MACC1: variants seen among roughly 807,000 people sequenced by gnomAD.
The protein encoded by MACC1 is metastasis-associated in colon cancer protein 1.
Under a neutral mutation model 70.7 loss-of-function variants are expected in MACC1, and 79 were observed. That is an observed-to-expected ratio of 1.12 (90% CI 0.93 to 1.35). MACC1 has a LOEUF of 1.35. Ranked by LOEUF, MACC1 falls within the 40% of genes most tolerant of loss-of-function variation. MACC1 has a pLI of 0.00. For missense variants in MACC1, 1,106 were observed against 978.1 expected (o/e 1.13, Z -1.74); for synonymous variants, 361 against 347.2 (o/e 1.04, Z -0.44).
At chr7:20,208,295 G>T (rs565783044) in intron 1 of MACC1, among the ~76,000 whole-genome samples, 4 of 152,362 alleles carry the variant, frequency 2.6e-5, no homozygotes, top group South Asian at 2.1e-4. Flanking sequence ...ACAGGCAGAG[G>T]TTGGAACAGT....
chr7:20,161,516 T>C (rs1442058895), intron 4 of MACC1, among the ~76,000 whole-genome samples: 1 of 152,048 alleles, frequency 6.6e-6, no homozygotes, highest in Non-Finnish European at 1.5e-5. Context: ...ATTATAGTTA[T>C]TGCATATAAC....
At chr7:20,153,663 G>A (rs987014115) in intron 6 of MACC1, 12 of 152,456 alleles carry the variant, frequency 7.9e-5, no homozygotes, top group African/African-American at 2.4e-4. Flanking sequence ...ACTGATGCCT[G>A]TAGTTACTGT....
At chr7:20,183,388 T>C (rs1782539654) in intron 1 of MACC1, among the ~76,000 whole-genome samples, 1 of 152,214 alleles carries the variant, frequency 6.6e-6, no homozygotes, top group African/African-American at 2.4e-5. Context: ...AAGCAGATTT[T>C]TCCCCAGAGC....
intron 2 of MACC1, among the ~76,000 whole-genome samples, chr7:20,170,046 A>T (rs1005837706): frequency 5.9e-5 from 9 of 152,212 alleles, no homozygotes; most frequent in African/African-American, 2.2e-4. Flanking sequence ...TTCACCCTTC[A>T]TAGAAAATTT....
rs143836746 is a variant in MACC1, at chr7:20,157,588, A to C, written c.2157+616T>G. Among the ~76,000 whole-genome samples, 111 of 151,210 alleles carry C rather than the reference A, an allele frequency of 7.3e-4. No individual in the cohort carries two copies. The East Asian group carries it at 0.019, about 26-fold the overall frequency. On this transcript the variant is annotated intron_variant, in intron 5 of 6. Coordinates refer to ENST00000400331, the MANE Select transcript of MACC1 (RefSeq NM_182762.4). The stretch of plus-strand genomic sequence containing the variant: ...TGCTTGAGGCCAGGAGTTCAAGAGC[A>C]TCTTGGGAAACATAGTGAGACACTC...
rs1183146514 is a variant in MACC1, at chr7:20,136,249, C to T, written c.*4697G>A. On this transcript the variant is annotated 3_prime_UTR_variant, in exon 7 of 7. Transcript: ENST00000400331. ...GAAACCGCAGCTCTCAACTCTTTGA[C>T]TAGTGTCTTGTAGAGGAAGCCTTTC... 1 of 152,184 alleles carries T rather than the reference C, an allele frequency of 6.6e-6. No individual in the cohort carries two copies. Among genetic ancestry groups the T allele is most frequent in the East Asian group, 1.9e-4 (1 of 5,200 alleles). The allele number at this position is 152,184 out of a possible 1,614,324, so 9.4% of individuals were successfully genotyped here. A position where few individuals can be genotyped will look rare whatever the true frequency, so the allele number is the denominator to read the frequency against.
rs10555255 is a variant in MACC1 at position 20,140,802 on chromosome 7, TACACACAC to T, written c.*136_*143del. The stretch of plus-strand genomic sequence containing the variant: ...TGCTTTTCTGAGATTCTTTCTTTCC[TACACACAC>T]ACACACACACACACAGACACACACA... On this transcript the variant is annotated 3_prime_UTR_variant, in exon 7 of 7. Transcript: ENST00000400331. 2.3e-4 allele frequency: 106 copies of T among 456,804 alleles called. No homozygotes were observed. The highest frequency in any genetic ancestry group is 3.6e-4 in the Non-Finnish European group (97 of 269,170). 28.3% of individuals were successfully genotyped at this position (456,804 alleles called of 1,614,324 possible). A position where few individuals can be genotyped will look rare whatever the true frequency, so the allele number is the denominator to read the frequency against.
rs554430039 is a variant in MACC1 at position 20,174,362 on chromosome 7, G to C, written c.-217-3584C>G. ...TAAAACTTCTAGGATCAAATACAAT[G>C]AATCTACTGTTTGAATTCAGGTATG... On this transcript the variant is annotated intron_variant, in intron 1 of 6. Coordinates refer to ENST00000400331, the MANE Select transcript of MACC1 (RefSeq NM_182762.4). 4.6e-5 allele frequency among the ~76,000 whole-genome samples: 7 copies of C among 152,164 alleles called. No individual in the cohort carries two copies. The East Asian group carries it at 1.2e-3, about 25-fold the overall frequency.
At chr7:20,203,938 C>T (rs1326279460) in intron 1 of MACC1, among the ~76,000 whole-genome samples, 5 of 152,008 alleles carry the variant, frequency 3.3e-5, no homozygotes, top group Non-Finnish European at 5.9e-5. Flanking sequence ...AATGTGGGCT[C>T]ATCACTAAAA....
At chr7:20,211,041 T>C (rs1466720857) in intron 1 of MACC1, among the ~76,000 whole-genome samples, 1 of 151,984 alleles carries the variant, frequency 6.6e-6, no homozygotes, top group Non-Finnish European at 1.5e-5. Context: ...TGTATGCTCT[T>C]TTGATATTAT....
intron 1 of MACC1, among the ~76,000 whole-genome samples, chr7:20,201,659 A>T (rs916017845): frequency 2.0e-5 from 3 of 152,206 alleles, no homozygotes; most frequent in African/African-American, 7.2e-5. Flanking sequence ...GTTGAAGCAG[A>T]ACTAGAGACA....
At chr7:20,192,344 G>C (rs570912090) in intron 1 of MACC1, among the ~76,000 whole-genome samples, 1 of 152,118 alleles carries the variant, frequency 6.6e-6, no homozygotes, top group Non-Finnish European at 1.5e-5. Flanking sequence ...CTTGAATCTA[G>C]ACCAGCCATT....
intron 1 of MACC1, among the ~76,000 whole-genome samples, chr7:20,207,809 T>C (rs185949123): frequency 6.6e-6 from 1 of 152,336 alleles, no homozygotes; most frequent in Non-Finnish European, 1.5e-5. Context: ...CCATTCATAA[T>C]ATCTATCATT....
rs1782113173 is a variant in MACC1 at position 20,159,706 on chromosome 7, T to C, written c.655A>G (p.Asn219Asp). ...AATTGTACTGACCCTCCTTGATGGT[T>C]TACTTTGCAAGCTATGGTGACCTCC... is the stretch of plus-strand genomic sequence containing the variant. ...LAEVTIACKV[N>D]HQGGSVQLPE... Residue 219 changes from asparagine to aspartate, a missense_variant, in exon 5 of 7, where the codon AAC becomes GAC. Asn to Asp is a conservative substitution (Grantham distance 23). Transcript: ENST00000400331. 2 of 1,614,164 alleles carry C rather than the reference T, an allele frequency of 1.2e-6. No individual in the cohort carries two copies. The highest frequency in any genetic ancestry group is 2.7e-5 in the African/African-American group (2 of 75,058).
chr7:20,166,724 C>A (rs1447499876), intron 2 of MACC1, among the ~76,000 whole-genome samples: 1 of 152,208 alleles, frequency 6.6e-6, no homozygotes, highest in Admixed American at 6.5e-5. Flanking sequence ...TCTATGATAC[C>A]TCCAACCCTG....
chr7:20,186,133 G>C (rs1782585463), intron 1 of MACC1, among the ~76,000 whole-genome samples: 1 of 152,184 alleles, frequency 6.6e-6, no homozygotes, highest in Non-Finnish European at 1.5e-5. Flanking sequence ...GTTCAGTAAA[G>C]CCTAGCTTCT....
Position 20,160,177 on chromosome 7 carries a change from TGG to T in MACC1, c.182_183del (p.Ser61Ter). ...DAFTLRGNNA[S>X]KVANPFWNQL... ...TGATTCCAGAATGGATTTGCAACTT[TGG>T]AAGCATTATTACCACGAAGGGTGAA... On this transcript the variant is annotated frameshift_variant, in exon 5 of 7. Transcript: ENST00000400331. LOFTEE classifies it high-confidence loss of function. 1 of 1,610,590 alleles carries T rather than the reference TGG, an allele frequency of 6.2e-7. No individual in the cohort carries two copies. Among genetic ancestry groups the T allele is most frequent in the Non-Finnish European group, 8.5e-7 (1 of 1,179,062 alleles).
chr7:20,138,968 G>A lies in MACC1; in HGVS notation c.*1978C>T, dbSNP rs142628543. The A allele has an allele frequency of 2.7e-3, 411 of 152,250 alleles. 1 individual carries two copies. Among genetic ancestry groups the A allele is most frequent in the Admixed American group, 3.6e-3 (55 of 15,292 alleles). 9.4% of individuals were successfully genotyped at this position (152,250 alleles called of 1,614,324 possible). A position where few individuals can be genotyped will look rare whatever the true frequency, so the allele number is the denominator to read the frequency against. On this transcript the variant is annotated 3_prime_UTR_variant, in exon 7 of 7. Transcript: ENST00000400331. ...ATTTCAGGCATGAGCCATCGCGCCC[G>A]GCCAAGATTATTCTTAAACGCCAAT... is the stretch of plus-strand genomic sequence containing the variant.
In MACC1 at chr7:20,141,040, G is replaced by T. The variant is rs1174109159; in HGVS notation, c.2465C>A (p.Thr822Asn). Reference protein sequence around the residue: ...SALDRMKNPVTKHWRELTGVL... With the variant: ...SALDRMKNPVNKHWRELTGVL... ...TCCAGTTAATTCTCTCCAGTGTTTA[G>T]TCACAGGGTTTTTCATTCTGTCCAA... Residue 822 changes from threonine to asparagine, a missense_variant, in exon 7 of 7, where the codon ACT (threonine) becomes AAT (asparagine). By Grantham distance (65) the Thr-to-Asn change is moderately conservative. Coordinates refer to ENST00000400331, the MANE Select transcript of MACC1 (RefSeq NM_182762.4). 2 of 1,614,024 alleles carry T rather than the reference G, an allele frequency of 1.2e-6. No individual in the cohort carries two copies. The highest frequency in any genetic ancestry group is 2.2e-5 in the South Asian group (2 of 91,060).
Sources: allele counts gnomAD v4.1 joint callset (sites outside exome capture counted in the v4.1 genomes callset), GRCh38; gene constraint gnomAD v4.1.1; transcripts MANE v1.5; gene names NCBI Gene and HGNC (gene_info 2026-07-23, HGNC 2026-07-21).